Variants in DCTN4 observed in about 807,000 individuals in gnomAD.
DCTN4 encodes the protein dynactin 4 (p62).
A neutral mutation model predicts 62.7 loss-of-function variants in DCTN4; 23 were observed. The observed-to-expected ratio is 0.37, with a 90% confidence interval of 0.26 to 0.52. The LOEUF is 0.52. DCTN4 is among the 20% of genes least tolerant of loss of function. The pLI is 0.92. For synonymous variants in DCTN4, 199 were observed against 202.1 expected, an observed-to-expected ratio of 0.98 and a Z score of 0.13; for missense variants, 514 against 580.4, an observed-to-expected ratio of 0.89 and a Z score of 1.18.
At chr5:150,723,063 A>T in intron 8 of DCTN4, 83 bp from the exon 9 acceptor site, 1 of 988,862 alleles carries the variant, frequency 1.0e-6, no homozygotes. Context: ...TCAGAAGGAC[A>T]GCATTTACGA....
At chr5:150,718,426 T>C in intron 10 of DCTN4, 43 bp from the exon 11 acceptor site, 1 of 1,440,278 alleles carries the variant, frequency 6.9e-7, no homozygotes, top group Non-Finnish European at 9.7e-7. Context: ...CGCCACTTTC[T>C]TAGCTGCTAT....
In DCTN4 at chr5:150,729,042, C is replaced by CTTTTTTTTTTTTTT. The variant is rs61106544; in HGVS notation, c.834+1575_834+1588dup. 1.5e-4 allele frequency among the ~76,000 whole-genome samples: 8 copies of CTTTTTTTTTTTTTT among 52,148 alleles called. 2 individuals are homozygous for CTTTTTTTTTTTTTT. The highest frequency in any genetic ancestry group is 5.3e-4 in the African/African-American group (7 of 13,134). The allele number at this position is 52,148 out of a possible 152,430, so 34.2% of individuals were successfully genotyped here. ...ACAAGTGTGTGAACCACCACACTGGCTTTTTTTTTTTTTTTTTTTTTTTTT... is the reference window on the plus strand; with the variant it reads ...ACAAGTGTGTGAACCACCACACTGGCTTTTTTTTTTTTTTTTTTTTTTTTTTTTTTTTTTTTTTT... On this transcript the variant is annotated intron_variant, in intron 8 of 12. Transcript: ENST00000447998.
At chr5:150,722,303 T>C (rs1759982511) in intron 9 of DCTN4, among the ~76,000 whole-genome samples, 1 of 152,232 alleles carries the variant, frequency 6.6e-6, no homozygotes, top group Non-Finnish European at 1.5e-5. Flanking sequence ...AAAAAATTTA[T>C]GTATTAGAAA....
chr5:150,717,153 T>C (rs946399661), intron 11 of DCTN4, among the ~76,000 whole-genome samples: 3 of 152,220 alleles, frequency 2.0e-5, no homozygotes, highest in South Asian at 2.1e-4. Context: ...AAGGCTCTTG[T>C]TCTAAAATTT....
At chr5:150,756,298 C>T (rs1245879489) in intron 2 of DCTN4, 119 bp downstream of exon 2, 1 of 604,008 alleles carries the variant, frequency 1.7e-6, no homozygotes, top group Non-Finnish European at 2.8e-6. Context: ...CTCCGCCTCC[C>T]AAAGTGCTGG....
chr5:150,736,381 A>C (rs1760583097), intron 4 of DCTN4: 1 of 152,260 alleles, frequency 6.6e-6, no homozygotes, highest in Non-Finnish European at 1.5e-5. Context: ...TAACCTATAA[A>C]GGAAAACCTA....
intron 3 of DCTN4, among the ~76,000 whole-genome samples, chr5:150,745,848 C>T (rs1400555249): frequency 6.6e-6 from 1 of 151,666 alleles, no homozygotes; most frequent in Non-Finnish European, 1.5e-5. Flanking sequence ...AGGAAAGATC[C>T]AAAATTGACA....
chr5:150,754,068 C>T (rs922954043), intron 2 of DCTN4, among the ~76,000 whole-genome samples: 2 of 152,178 alleles, frequency 1.3e-5, no homozygotes, highest in African/African-American at 2.4e-5. Flanking sequence ...GGAAAATAAC[C>T]GACTGCTGTG....
intron 12 of DCTN4, 63 bp downstream of exon 12, chr5:150,715,502 G>A: frequency 7.8e-7 from 1 of 1,275,460 alleles, no homozygotes; most frequent in South Asian, 1.3e-5. Context: ...AAGAAAACTG[G>A]ATATAAGTGG....
In DCTN4 at chr5:150,733,371, A is replaced by C. The variant is rs1215523535; in HGVS notation, c.534T>G (p.Phe178Leu). 1 of 1,609,354 alleles carries C rather than the reference A, an allele frequency of 6.2e-7. No homozygotes were observed. The highest frequency in any genetic ancestry group is 1.3e-5 in the African/African-American group (1 of 74,706). ...CATTTTAGTACCAAATTCTCACCGA[A>C]AAAGCCAGAGGCATATAGTTTCTAC... ...ARRRNYMPLA[F>L]SDKYGLGTRL... The change falls in exon 5 of 13, where the codon TTT (phenylalanine) becomes TTG (leucine). Residue 178 changes from phenylalanine to leucine, a missense_variant. Coordinates refer to ENST00000447998, the MANE Select transcript of DCTN4 (RefSeq NM_016221.4).
intron 11 of DCTN4, among the ~76,000 whole-genome samples, chr5:150,716,873 T>C (rs887024957): frequency 1.3e-5 from 2 of 150,874 alleles, no homozygotes; most frequent in South Asian, 4.2e-4. Flanking sequence ...GAGCCGAGAC[T>C]GCGCCACTGC....
At chr5:150,711,635 A>T (rs555050094) in intron 12 of DCTN4, among the ~76,000 whole-genome samples, 2 of 152,178 alleles carry the variant, frequency 1.3e-5, no homozygotes, top group South Asian at 4.1e-4. Flanking sequence ...CCTCCCGAGT[A>T]GCTGGGACTA....
At chr5:150,739,751 A>AT (rs1491140558) in intron 4 of DCTN4, among the ~76,000 whole-genome samples, 1 of 152,198 alleles carries the variant, frequency 6.6e-6, no homozygotes, top group African/African-American at 2.4e-5. Flanking sequence ...ATGAAACAGA[A>AT]TAGAGAACCC....
intron 9 of DCTN4, among the ~76,000 whole-genome samples, chr5:150,720,989 T>C (rs1219451507): frequency 6.6e-6 from 1 of 152,194 alleles, no homozygotes; most frequent in African/African-American, 2.4e-5. Context: ...TAAGAGTAGT[T>C]AGGAAAATGA....
At chr5:150,734,371 A>C (rs1760497310) in intron 4 of DCTN4, 1 of 152,234 alleles carries the variant, frequency 6.6e-6, no homozygotes, top group Admixed American at 6.5e-5. Context: ...CTAAAAATCC[A>C]GATCATGGGA....
At chr5:150,729,340 C>A (rs72805994) in intron 8 of DCTN4, among the ~76,000 whole-genome samples, 2,054 of 152,026 alleles carry the variant, frequency 0.014, 42 homozygotes, top group Non-Finnish European at 0.018. Context: ...CAACGATTAT[C>A]AACTTCGGAA....
At position 150,731,175 on chromosome 5, in the gene DCTN4, A is replaced by C; in HGVS notation, c.612-19T>G. ...TTTAAGGCTGAAAAATTAAAAAAAC[A>C]AAACAAAACAAAACAAAAGAGTAAT... On this transcript the variant is annotated intron_variant, in intron 6 of 12. Coordinates refer to ENST00000447998, the MANE Select transcript of DCTN4 (RefSeq NM_016221.4). 2.0e-6 allele frequency: 3 copies of C among 1,466,072 alleles called. No individual in the cohort carries two copies. The South Asian group carries it at 3.4e-5, about 17-fold the overall frequency. 90.8% of individuals were successfully genotyped at this position (1,466,072 alleles called of 1,614,324 possible).
chr5:150,744,807 G>A (rs867852836), intron 3 of DCTN4, among the ~76,000 whole-genome samples: 11 of 151,878 alleles, frequency 7.2e-5, no homozygotes, highest in African/African-American at 2.4e-4. Flanking sequence ...ACATGGAAAG[G>A]CACAACCGGT....
chr5:150,719,638 C>T, intron 10 of DCTN4, 78 bp downstream of exon 10: 1 of 1,059,468 alleles, frequency 9.4e-7, no homozygotes, highest in Non-Finnish European at 1.5e-6. Context: ...GCCAAATACA[C>T]ACACAGCCAC....
Sources: gnomAD v4.1 joint callset for allele counts (sites outside exome capture counted in the v4.1 genomes callset) on GRCh38, gnomAD v4.1.1 for gene constraint, MANE v1.5 for transcripts, NCBI Gene and HGNC (gene_info 2026-07-23, HGNC 2026-07-21) for gene names.